The following ATG12 variants were observed in gnomAD, a reference collection of about 807,000 sequenced individuals.
ATG12 encodes ubiquitin-like protein ATG12.
Under a neutral mutation model 17.6 loss-of-function variants are expected in ATG12, and 19 were observed. That is an observed-to-expected ratio of 1.08 (90% CI 0.75 to 1.58). The LOEUF is 1.58. Ranked by LOEUF, ATG12 falls within the 40% of genes most tolerant of loss-of-function variation. The pLI, the probability that ATG12 is intolerant of heterozygous loss-of-function variation, is 0.00. For synonymous variants in ATG12, 75 were observed against 62.4 expected (o/e 1.20, Z -0.95); for missense variants, 214 against 162.0 (o/e 1.32, Z -1.74).
At position 115,837,678 on chromosome 5, in the gene ATG12, G is replaced by T. The variant is rs1761162506; in HGVS notation, c.250C>A (p.Leu84Ile). The T allele has an allele frequency of 1.2e-6, 2 of 1,613,246 alleles. No homozygotes were observed. Among genetic ancestry groups the T allele is most frequent in the South Asian group, 2.2e-5 (2 of 91,038 alleles). Residue 84 changes from leucine to isoleucine, a missense_variant, in exon 2 of 4, where the codon CTC becomes ATC. Coordinates refer to ENST00000509910, the MANE Select transcript of ATG12 (RefSeq NM_004707.4). ...AVERTRTIQG[L>I]IDFIKKFLKL... Reference sequence around the variant, plus strand: ...AGAAACTTTTTGATGAAGTCAATGAGTCCTTGGATGGTTCGTGTTCGCTCT... The same window carrying T: ...AGAAACTTTTTGATGAAGTCAATGATTCCTTGGATGGTTCGTGTTCGCTCT...
intron 2 of ATG12, among the ~76,000 whole-genome samples, chr5:115,835,815 T>C (rs1431572484): frequency 6.6e-6 from 1 of 152,214 alleles, no homozygotes; most frequent in Non-Finnish European, 1.5e-5. Context: ...CAGATGCTGA[T>C]ACCATGCAGG....
chr5:115,841,531 C>CTCG lies in ATG12; in HGVS notation c.21_22insCGA (p.Ser7_Val8insArg). On this transcript the variant is annotated inframe_insertion, in exon 1 of 4. Transcript: ENST00000509910. Reference sequence around the variant, plus strand: ...GCAATTGAAGTAGGAAGCTGCAACACAGACTGCGGCTCCTCCGCCATCTTG... The same window carrying CTCG: ...GCAATTGAAGTAGGAAGCTGCAACACTCGAGACTGCGGCTCCTCCGCCATCTTG... 1 of 1,613,464 alleles carries CTCG rather than the reference C, an allele frequency of 6.2e-7. No homozygotes were observed. Among genetic ancestry groups the CTCG allele is most frequent in the South Asian group, 1.1e-5 (1 of 91,080 alleles).
Position 115,829,621 on chromosome 5 carries a change from A to AT in ATG12, c.*2182dup, listed in dbSNP as rs1366644044. The AT allele has an allele frequency of 2.6e-5, 4 of 152,202 alleles. No homozygotes were observed. Among genetic ancestry groups the AT allele is most frequent in the Admixed American group, 2.6e-4 (4 of 15,276 alleles). The allele number at this position is 152,202 out of a possible 1,614,324, so 9.4% of individuals were successfully genotyped here. On this transcript the variant is annotated 3_prime_UTR_variant, in exon 4 of 4. Transcript: ENST00000509910. ...TATTTAGTCACAAAGAAAATTTAAA[A>AT]TATCACCTGAATGTTCAGTTTTTCC... is the stretch of plus-strand genomic sequence containing the variant.
Position 115,832,610 on chromosome 5 carries a change from G to C in ATG12, c.355C>G (p.Leu119Val). ...TTTTTTTTTTTTTTTACCTCATAGA[G>C]AGTTCCAACTTCTTGGTCTGGGGAA... ...APSPDQEVGT[L>V]YECFGSDGKL... The change falls in exon 3 of 4, where the codon CTC becomes GTC. Residue 119 changes from leucine to valine, a missense_variant. Coordinates refer to ENST00000509910, the MANE Select transcript of ATG12 (RefSeq NM_004707.4). The C allele has an allele frequency of 1.5e-6, 1 of 676,040 alleles. No homozygotes were observed. Among genetic ancestry groups the C allele is most frequent in the Non-Finnish European group, 2.3e-6 (1 of 440,610 alleles). 41.9% of individuals were successfully genotyped at this position (676,040 alleles called of 1,614,324 possible).
chr5:115,836,046 T>C (rs1455264513), intron 2 of ATG12, among the ~76,000 whole-genome samples: 1 of 152,234 alleles, frequency 6.6e-6, no homozygotes, highest in African/African-American at 2.4e-5. Flanking sequence ...ACATCCATTT[T>C]GCTAGATAAA....
intron 1 of ATG12, 89 bp from the exon 2 acceptor site, chr5:115,837,853 A>C (rs1467196544): frequency 3.7e-6 from 4 of 1,078,260 alleles, no homozygotes; most frequent in Non-Finnish European, 5.1e-6. Context: ...AGAAATATTT[A>C]ATCTACATCC....
rs1210756987 is a variant in ATG12, at chr5:115,830,288, A to G, written c.*1516T>C. ...TAAATGGATGCTACAAATTTCAACC[A>G]GTATTTTCGATTTTTTGAGGTCTAT... On this transcript the variant is annotated 3_prime_UTR_variant, in exon 4 of 4. Coordinates refer to ENST00000509910, the MANE Select transcript of ATG12 (RefSeq NM_004707.4). 2 of 152,134 alleles carry G rather than the reference A, an allele frequency of 1.3e-5. No individual in the cohort carries two copies. Among genetic ancestry groups the G allele is most frequent in the Non-Finnish European group, 2.9e-5 (2 of 68,028 alleles). The allele number at this position is 152,134 out of a possible 1,614,324, so 9.4% of individuals were successfully genotyped here.
intron 1 of ATG12, chr5:115,840,387 T>A (rs1761333122): frequency 5.3e-6 from 1 of 188,898 alleles, no homozygotes. Flanking sequence ...CACCTCCGCC[T>A]CGCGGGTTCA....
intron 2 of ATG12, chr5:115,833,443 A>G (rs1760968332): frequency 6.6e-6 from 1 of 152,140 alleles, no homozygotes; most frequent in Admixed American, 6.5e-5. Context: ...ACCATGAACC[A>G]TCAATATTGC....
chr5:115,828,431 T>C lies in ATG12; in HGVS notation c.*3373A>G, dbSNP rs997790143. On this transcript the variant is annotated 3_prime_UTR_variant, in exon 4 of 4. Coordinates refer to ENST00000509910, the MANE Select transcript of ATG12 (RefSeq NM_004707.4). ...ATAGCAAGATGTACATTATTTTTAT[T>C]GTCAGTCAGCATTGTTTTTATTTGT... 2.0e-5 allele frequency: 3 copies of C among 152,254 alleles called. No individual in the cohort carries two copies. Among genetic ancestry groups the C allele is most frequent in the Non-Finnish European group, 4.4e-5 (3 of 68,036 alleles). 9.4% of individuals were successfully genotyped at this position (152,254 alleles called of 1,614,324 possible). A position where few individuals can be genotyped will look rare whatever the true frequency, so the allele number is the denominator to read the frequency against.
chr5:115,832,795 T>A lies in ATG12; in HGVS notation c.301-131A>T, dbSNP rs1760942214. The A allele has an allele frequency of 1.2e-5, 10 of 825,370 alleles. No homozygotes were observed. The South Asian group carries it at 2.5e-4, about 20-fold the overall frequency. The allele number at this position is 825,370 out of a possible 1,614,324, so 51.1% of individuals were successfully genotyped here. ...AGAAAGCTTCTCTGAACTCCTAACTTTTCTAAATAGTCAATTTAAAGAGAT... is the reference window on the plus strand; with the variant it reads ...AGAAAGCTTCTCTGAACTCCTAACTATTCTAAATAGTCAATTTAAAGAGAT... On this transcript the variant is annotated intron_variant, in intron 2 of 3. Coordinates refer to ENST00000509910, the MANE Select transcript of ATG12 (RefSeq NM_004707.4).
At chr5:115,835,163 T>C (rs1478807494) in intron 2 of ATG12, 1 of 152,204 alleles carries the variant, frequency 6.6e-6, no homozygotes. Flanking sequence ...TTTCATGTCT[T>C]ATACCATCTT....
rs2112710446 is a variant in ATG12 at position 115,828,414 on chromosome 5, A to G, written c.*3390T>C. On this transcript the variant is annotated 3_prime_UTR_variant, in exon 4 of 4. Transcript: ENST00000509910. ...TCCCCACAACTCTGCTAATAGCAAG[A>G]TGTACATTATTTTTATTGTCAGTCA... is the stretch of plus-strand genomic sequence containing the variant. The G allele has an allele frequency of 6.6e-6, 1 of 152,330 alleles. No homozygotes were observed. The highest frequency in any genetic ancestry group is 3.4e-3 in the Middle Eastern group (1 of 294). The allele number at this position is 152,330 out of a possible 1,614,324, so 9.4% of individuals were successfully genotyped here.
intron 1 of ATG12, 149 bp from the exon 2 acceptor site, chr5:115,837,913 A>AC (rs145826751): frequency 0.019 from 12,974 of 672,250 alleles, 162 homozygotes; most frequent in Middle Eastern, 0.043. Flanking sequence ...TAAAAATGTT[A>AC]GATTCTTTTC....
intron 1 of ATG12, 67 bp downstream of exon 1, chr5:115,841,323 G>A (rs925485612): frequency 1.3e-6 from 2 of 1,597,502 alleles, no homozygotes; most frequent in African/African-American, 1.4e-5. Flanking sequence ...CTTCTTTACT[G>A]GCCGCCACCC....
At chr5:115,835,463 C>A (rs923069976) in intron 2 of ATG12, among the ~76,000 whole-genome samples, 1 of 152,164 alleles carries the variant, frequency 6.6e-6, no homozygotes, top group Non-Finnish European at 1.5e-5. Flanking sequence ...CTGCTTTGAG[C>A]TTTCCAGGCT....
At chr5:115,836,731 T>C (rs143713142) in intron 2 of ATG12, among the ~76,000 whole-genome samples, 192 of 152,358 alleles carry the variant, frequency 1.3e-3, no homozygotes, top group African/African-American at 4.4e-3. Context: ...GAGTTAATAC[T>C]ATCCAAGATT....
At position 115,837,822 on chromosome 5, in the gene ATG12, A is replaced by T. The variant is rs530361854; in HGVS notation, c.164-58T>A. 8.1e-5 allele frequency: 113 copies of T among 1,394,550 alleles called. No homozygotes were observed. In the African/African-American group the frequency reaches 1.3e-3, roughly 15 times the overall value. 86.4% of individuals were successfully genotyped at this position (1,394,550 alleles called of 1,614,324 possible). ...ACACTGAAACATCTAAAGAGAATGG[A>T]ATATAAAAGACTTAGAAATCAGAAA... On this transcript the variant is annotated intron_variant, in intron 1 of 3. Transcript: ENST00000509910.
intron 1 of ATG12, chr5:115,838,399 T>G (rs1005751396): frequency 1.3e-5 from 2 of 152,300 alleles, no homozygotes; most frequent in Non-Finnish European, 2.9e-5. Flanking sequence ...CACTTTTAAC[T>G]GCCTGGGGTT....
Sources: allele counts gnomAD v4.1 joint callset (sites outside exome capture counted in the v4.1 genomes callset), GRCh38; gene constraint gnomAD v4.1.1; transcripts MANE v1.5; gene names NCBI Gene and HGNC (gene_info 2026-07-23, HGNC 2026-07-21).